Variants in COPB2 observed in about 807,000 individuals in gnomAD.
The protein encoded by COPB2 is coatomer subunit beta'.
COPB2 carries 16 observed loss-of-function variants against 120.8 expected under a neutral mutation model. The observed-to-expected ratio is 0.13, with a 90% confidence interval of 0.09 to 0.20. The LOEUF (loss-of-function observed/expected upper bound fraction) is 0.20. Among genes scored for constraint, COPB2 ranks in the 10% least tolerant of loss-of-function variants. COPB2 has a pLI of 1.00. For synonymous variants in COPB2, 332 were observed against 366.3 expected, an observed-to-expected ratio of 0.91 and a Z score of 1.07; for missense variants, 794 against 1,076.5, an observed-to-expected ratio of 0.74 and a Z score of 3.67.
At chr3:139,382,083 C>G (rs1299858639) in intron 2 of COPB2, 1 of 152,094 alleles carries the variant, frequency 6.6e-6, no homozygotes, top group Non-Finnish European at 1.5e-5. Flanking sequence ...TGAGATACAG[C>G]AGAAAACAAA....
chr3:139,366,245 A>T (rs1285537581), intron 15 of COPB2, among the ~76,000 whole-genome samples: 1 of 147,482 alleles, frequency 6.8e-6, no homozygotes, highest in Non-Finnish European at 1.5e-5. Flanking sequence ...TATGTATTTT[A>T]ATCATTTTTT....
intron 4 of COPB2, among the ~76,000 whole-genome samples, 157 bp from the exon 5 acceptor site, chr3:139,378,346 T>C (rs1342025295): frequency 6.6e-6 from 1 of 152,218 alleles, no homozygotes; most frequent in African/African-American, 2.4e-5. Flanking sequence ...AATGCTTATT[T>C]ATCTTAAAAA....
intron 2 of COPB2, chr3:139,380,711 C>T (rs1941794762): frequency 6.6e-6 from 1 of 152,196 alleles, no homozygotes; most frequent in Admixed American, 6.5e-5. Flanking sequence ...CTGTCCTACT[C>T]TGACTTTTCA....
At chr3:139,385,971 G>A (rs1480145950) in intron 1 of COPB2, among the ~76,000 whole-genome samples, 1 of 152,168 alleles carries the variant, frequency 6.6e-6, no homozygotes, top group Non-Finnish European at 1.5e-5. Context: ...TGATGATCAT[G>A]AATGGGACAG....
chr3:139,389,557 G>A lies in COPB2; in HGVS notation c.-7C>T. 1 of 1,576,782 alleles carries A rather than the reference G, an allele frequency of 6.3e-7. No homozygotes were observed. Among genetic ancestry groups the A allele is most frequent in the Non-Finnish European group, 8.7e-7 (1 of 1,154,640 alleles). ...CGGGATCTGGACCTACCATGGCTGC[G>A]TCGGTCCAATCCCGGGAACCCTCGT... On this transcript the variant is annotated 5_prime_UTR_variant, in exon 1 of 22. In the 5' UTR this introduces an upstream ATG that the reference lacks. Coordinates refer to ENST00000333188, the MANE Select transcript of COPB2 (RefSeq NM_004766.3).
Position 139,378,033 on chromosome 3 carries a change from T to C in COPB2, c.504+8A>G, listed in dbSNP as rs1358426675. The C allele has an allele frequency of 1.3e-6, 2 of 1,516,844 alleles. No homozygotes were observed. Among genetic ancestry groups the C allele is most frequent in the Non-Finnish European group, 1.8e-6 (2 of 1,113,664 alleles). The allele number at this position is 1,516,844 out of a possible 1,614,324, so 94.0% of individuals were successfully genotyped here. Reference sequence around the variant, plus strand: ...AATGATAACTGACACAAAATGTGGATGCCCTACCTTGATAGTCCTGTCCAA... The same window carrying C: ...AATGATAACTGACACAAAATGTGGACGCCCTACCTTGATAGTCCTGTCCAA... On this transcript the variant is annotated splice_region_variant and intron_variant, in intron 5 of 21. Coordinates refer to ENST00000333188, the MANE Select transcript of COPB2 (RefSeq NM_004766.3).
intron 15 of COPB2, 37 bp from the exon 16 acceptor site, chr3:139,362,554 TACAA>T: frequency 7.5e-7 from 1 of 1,327,482 alleles, no homozygotes; most frequent in Non-Finnish European, 1.0e-6. Flanking sequence ...TATTTATGCA[TACAA>T]AAATGTATGT....
chr3:139,370,500 C>T (rs557058763), intron 10 of COPB2, among the ~76,000 whole-genome samples: 4 of 152,276 alleles, frequency 2.6e-5, no homozygotes, highest in East Asian at 3.9e-4. Context: ...AACCACAGAT[C>T]GGGGGATCGC....
intron 7 of COPB2, 190 bp downstream of exon 7, chr3:139,374,298 CG>C (rs1941677893): frequency 2.2e-5 from 11 of 494,762 alleles, no homozygotes; most frequent in African/African-American, 7.9e-5. Flanking sequence ...AGAATGATGA[CG>C]ATGATGATGA....
intron 12 of COPB2, among the ~76,000 whole-genome samples, chr3:139,368,769 C>A (rs147665986): frequency 1.6e-4 from 25 of 152,230 alleles, no homozygotes; most frequent in Non-Finnish European, 2.5e-4. Flanking sequence ...ACTGAGGATG[C>A]GTGCTCTAGA....
chr3:139,358,166 G>A lies in COPB2; in HGVS notation c.2625+34C>T, dbSNP rs558740329. On this transcript the variant is annotated intron_variant, in intron 21 of 21. Coordinates refer to ENST00000333188, the MANE Select transcript of COPB2 (RefSeq NM_004766.3). Reference sequence around the variant, plus strand: ...AGATATTGATGGGGAGGAAGATGGGGTAGAGGGAGGTTTGAGTATGATGTC... The same window carrying A: ...AGATATTGATGGGGAGGAAGATGGGATAGAGGGAGGTTTGAGTATGATGTC... The A allele has an allele frequency of 7.0e-6, 11 of 1,576,432 alleles. No homozygotes were observed. In the African/African-American group the frequency reaches 8.1e-5, roughly 12 times the overall value.
rs373284424 is a variant in COPB2 at position 139,357,813 on chromosome 3, C to T, written c.*50G>A. 3.6e-5 allele frequency: 36 copies of T among 998,942 alleles called. No individual in the cohort carries two copies. The highest frequency in any genetic ancestry group is 5.2e-5 in the Non-Finnish European group (35 of 667,098). The allele number at this position is 998,942 out of a possible 1,614,324, so 61.9% of individuals were successfully genotyped here. ...ACTGTGGTCAGGGTAGCAATCAATA[C>T]CTATATATAATAATGATCTGTTTAG... On this transcript the variant is annotated 3_prime_UTR_variant, in exon 22 of 22. Coordinates refer to ENST00000333188, the MANE Select transcript of COPB2 (RefSeq NM_004766.3).
Sources: gnomAD v4.1 joint callset for allele counts (sites outside exome capture counted in the v4.1 genomes callset) on GRCh38, gnomAD v4.1.1 for gene constraint, MANE v1.5 for transcripts, NCBI Gene and HGNC (gene_info 2026-07-23, HGNC 2026-07-21) for gene names.